Variants in CACNA1I observed in about 807,000 individuals in gnomAD.
CACNA1I encodes the protein calcium voltage-gated channel subunit alpha1 I, also known as voltage-dependent T-type calcium channel subunit alpha-1I.
A neutral mutation model predicts 201.6 loss-of-function variants in CACNA1I; 74 were observed. That is an observed-to-expected ratio of 0.37 (90% confidence interval 0.30 to 0.45). The LOEUF (loss-of-function observed/expected upper bound fraction) is 0.45. Ranked by LOEUF, CACNA1I falls within the 20% of genes least tolerant of loss-of-function variation. The pLI, the probability that CACNA1I is intolerant of heterozygous loss-of-function variation, is 1.00. For synonymous variants in CACNA1I, 1,431 were observed against 1,345.2 expected, an observed-to-expected ratio of 1.06 and a Z score of -1.40; for missense variants, 2,346 against 3,138.1, an observed-to-expected ratio of 0.75 and a Z score of 6.03.
At chr22:39,585,729 T>TG (rs1435185362) in intron 1 of CACNA1I, among the ~76,000 whole-genome samples, 1 of 130,866 alleles carries the variant, frequency 7.6e-6, no homozygotes, top group African/African-American at 2.9e-5. Flanking sequence ...CTTTTAAAGT[T>TG]TTTTTTTTTT....
chr22:39,658,342 G>A (rs185070319), intron 11 of CACNA1I, 39 bp downstream of exon 11: 36 of 1,596,976 alleles, frequency 2.3e-5, no homozygotes, highest in Middle Eastern at 3.3e-4. Context: ...AGAGTGCCTC[G>A]GGGGGACATT....
rs745871613 is a variant in CACNA1I at position 39,662,324 on chromosome 22, G to A, written c.3261G>A (p.Pro1087=). 1.0e-5 allele frequency: 15 copies of A among 1,477,536 alleles called. No homozygotes were observed. The highest frequency in any genetic ancestry group is 1.3e-5 in the Non-Finnish European group (15 of 1,122,808). 91.5% of individuals were successfully genotyped at this position (1,477,536 alleles called of 1,614,324 possible). Residue 1087 remains proline, a synonymous_variant, in exon 17 of 37, where the codon CCG becomes CCA. Coordinates refer to ENST00000402142, the MANE Select transcript of CACNA1I (RefSeq NM_021096.4). ...HPRAAWRAAG[P]APGHEDCNGR... is the part of the protein sequence containing the mutation. Reference sequence around the variant, plus strand: ...GGGCCGCCTGGAGGGCGGCAGGCCCGGCCCCCGGGCATGAGGACTGCAATG... The same window carrying A: ...GGGCCGCCTGGAGGGCGGCAGGCCCAGCCCCCGGGCATGAGGACTGCAATG...
At chr22:39,632,930 C>G (rs1934104884) in intron 4 of CACNA1I, among the ~76,000 whole-genome samples, 1 of 151,702 alleles carries the variant, frequency 6.6e-6, no homozygotes, top group African/African-American at 2.4e-5. Context: ...CAGGCAAGCT[C>G]CACTGTCTTT....
At chr22:39,673,134 G>T (rs1030748859) in intron 28 of CACNA1I, 52 bp downstream of exon 28, 2 of 1,101,928 alleles carry the variant, frequency 1.8e-6, no homozygotes, top group Middle Eastern at 2.4e-4. Flanking sequence ...GGCGGGATGA[G>T]ACTCCTCATT....
intron 1 of CACNA1I, among the ~76,000 whole-genome samples, chr22:39,575,203 C>A (rs1359030771): frequency 2.6e-5 from 4 of 152,208 alleles, no homozygotes; most frequent in Non-Finnish European, 5.9e-5. Flanking sequence ...CGTGTGGCAC[C>A]GTGGAAAGCG....
chr22:39,595,845 C>T lies in CACNA1I; in HGVS notation c.237-2306C>T, dbSNP rs566956976. Among the ~76,000 whole-genome samples the T allele has an allele frequency of 5.3e-4, 81 of 151,712 alleles. 1 individual carries two copies. The highest frequency in any genetic ancestry group is 1.6e-3 in the African/African-American group (68 of 41,324). On this transcript the variant is annotated intron_variant, in intron 1 of 36. Transcript: ENST00000402142. ...ATTGAACACCTACTAGATGTTAGGC[C>T]GTGAGTGTAAAGTCCCTGTCCCCTT...
At chr22:39,591,734 A>G (rs1011849877) in intron 1 of CACNA1I, among the ~76,000 whole-genome samples, 1 of 151,302 alleles carries the variant, frequency 6.6e-6, no homozygotes, top group Non-Finnish European at 1.5e-5. Context: ...AATTTTTTGT[A>G]TTTTTAGTAG....
At chr22:39,581,147 G>A (rs775225464) in intron 1 of CACNA1I, among the ~76,000 whole-genome samples, 9 of 152,194 alleles carry the variant, frequency 5.9e-5, no homozygotes, top group African/African-American at 2.2e-4. Flanking sequence ...TCTGAGTGGG[G>A]ATGCCACAGG....
intron 1 of CACNA1I, among the ~76,000 whole-genome samples, chr22:39,594,847 A>G (rs557150936): frequency 6.6e-6 from 1 of 152,142 alleles, no homozygotes; most frequent in Admixed American, 6.5e-5. Context: ...CCCACAAGGG[A>G]CACATTCCAA....
chr22:39,628,759 C>T (rs1366460297), intron 4 of CACNA1I, among the ~76,000 whole-genome samples: 4 of 152,170 alleles, frequency 2.6e-5, no homozygotes. Flanking sequence ...CCCAGCCGCC[C>T]AGCCCCTTTA....
Position 39,649,938 on chromosome 22 carries a change from C to T in CACNA1I, c.1992+13C>T, listed in dbSNP as rs779553477. ...GCACCACGAGCAGGCCAGTGCAGCGCAGCCGGGCCGGGCCTGCGGGAGAGG... is the reference window on the plus strand; with the variant it reads ...GCACCACGAGCAGGCCAGTGCAGCGTAGCCGGGCCGGGCCTGCGGGAGAGG... On this transcript the variant is annotated intron_variant, in intron 10 of 36. Transcript: ENST00000402142. The surrounding 1 kb of genome is among the most constrained non-coding windows in gnomAD (Gnocchi z 7.3). 3.7e-6 allele frequency: 6 copies of T among 1,612,332 alleles called. No individual in the cohort carries two copies. The South Asian group carries it at 6.6e-5, about 18-fold the overall frequency.
chr22:39,637,576 A>G (rs1309913071), intron 5 of CACNA1I, among the ~76,000 whole-genome samples: 1 of 152,214 alleles, frequency 6.6e-6, no homozygotes, highest in Non-Finnish European at 1.5e-5. Context: ...GTGTACAAGA[A>G]TATTTATGAG....
intron 18 of CACNA1I, 46 bp downstream of exon 18, chr22:39,662,922 T>G (rs1288313618): frequency 1.6e-6 from 2 of 1,250,792 alleles, no homozygotes; most frequent in South Asian, 2.6e-5. Flanking sequence ...AGGGGTAACG[T>G]GGGAGGGACG....
rs1935154780 is a variant in CACNA1I, at chr22:39,665,379, T to C, written c.3852-119T>C. The C allele has an allele frequency of 3.3e-6, 4 of 1,217,614 alleles. No homozygotes were observed. In the Admixed American group the frequency reaches 6.7e-5, roughly 21 times the overall value. 75.4% of individuals were successfully genotyped at this position (1,217,614 alleles called of 1,614,324 possible). On this transcript the variant is annotated intron_variant, in intron 21 of 36. Coordinates refer to ENST00000402142, the MANE Select transcript of CACNA1I (RefSeq NM_021096.4). This position sits in a 1 kb window ranked among gnomAD's most constrained non-coding sequence, Gnocchi z 5.5. Reference sequence around the variant, plus strand: ...CCTCATGCCCCAGGGTGTTCAGCCCTGGTGAGCCCTGGGGACTCATGCCCT... The same window carrying C: ...CCTCATGCCCCAGGGTGTTCAGCCCCGGTGAGCCCTGGGGACTCATGCCCT...
rs1601517589 is a variant in CACNA1I at position 39,668,230 on chromosome 22, T to A, written c.4105-62T>A. On this transcript the variant is annotated intron_variant, in intron 23 of 36. Coordinates refer to ENST00000402142, the MANE Select transcript of CACNA1I (RefSeq NM_021096.4). ...AGAAGAATAGAGAGCTGAGGAGGGGTGGCTGCAGCTGGAGTCACTCACAGT... is the reference window on the plus strand; with the variant it reads ...AGAAGAATAGAGAGCTGAGGAGGGGAGGCTGCAGCTGGAGTCACTCACAGT... The A allele has an allele frequency of 1.6e-5, 15 of 949,888 alleles. No homozygotes were observed. In the East Asian group the frequency reaches 3.4e-4, roughly 22 times the overall value. 58.8% of individuals were successfully genotyped at this position (949,888 alleles called of 1,614,324 possible). A position where few individuals can be genotyped will look rare whatever the true frequency, so the allele number is the denominator to read the frequency against.
intron 5 of CACNA1I, among the ~76,000 whole-genome samples, chr22:39,639,273 C>T (rs989856369): frequency 1.3e-5 from 2 of 152,236 alleles, no homozygotes; most frequent in African/African-American, 4.8e-5. Flanking sequence ...TTGCCTACCT[C>T]TGCTTTATCC....
chr22:39,650,927 G>A (rs1040096527), intron 10 of CACNA1I, among the ~76,000 whole-genome samples: 3 of 152,122 alleles, frequency 2.0e-5, no homozygotes, highest in Non-Finnish European at 2.9e-5. Context: ...GTGGGGACAC[G>A]GGAGGGAGGG....
rs533432579 is a variant in CACNA1I, at chr22:39,613,531, T to A, written c.483-5779T>A. Among the ~76,000 whole-genome samples, 4 of 152,344 alleles carry A rather than the reference T, an allele frequency of 2.6e-5. No homozygotes were observed. The East Asian group carries it at 7.7e-4, about 29-fold the overall frequency. ...GTGAGGCCCTGTTCTGAGTACTGGA[T>A]CTGTATATGAACATGTTTCAGGTCA... On this transcript the variant is annotated intron_variant, in intron 3 of 36. Transcript: ENST00000402142.
chr22:39,646,706 C>A lies in CACNA1I; in HGVS notation c.1287C>A (p.Ala429=), dbSNP rs148142625. The A allele has an allele frequency of 9.7e-5, 155 of 1,595,240 alleles. No homozygotes were observed. The African/African-American group carries it at 1.8e-3, about 18-fold the overall frequency. ...YLSSSTVASY[A]EPGDCYEEIF... ...CCTCCAGCACGGTGGCCAGCTACGC[C>A]GAGCCTGGCGACTGCTACGAGGAGA... Residue 429 remains alanine, a synonymous_variant, in exon 8 of 37, where the codon GCC becomes GCA. Coordinates refer to ENST00000402142, the MANE Select transcript of CACNA1I (RefSeq NM_021096.4).
Sources: allele counts gnomAD v4.1 joint callset (sites outside exome capture counted in the v4.1 genomes callset), GRCh38; gene constraint gnomAD v4.1.1; non-coding constraint Gnocchi (gnomAD v3.1); transcripts MANE v1.5; gene names NCBI Gene and HGNC (gene_info 2026-07-23, HGNC 2026-07-21).